Variants in IRF5 observed in about 807,000 individuals in gnomAD.
The protein encoded by IRF5 is interferon regulatory factor 5.
IRF5 carries 24 observed loss-of-function variants against 55.1 expected under a neutral mutation model. The ratio of observed to expected loss-of-function variants is 0.44; its 90% CI spans 0.32 to 0.61. IRF5 has a LOEUF of 0.61. Among genes scored for constraint, IRF5 ranks in the 20% least tolerant of loss-of-function variants. The probability of loss-of-function intolerance (pLI) is 0.07; values close to 1 mark genes in which losing one functional copy is unlikely to be tolerated. For synonymous variants in IRF5, 258 were observed against 260.2 expected (o/e 0.99, Z 0.08); for missense variants, 499 against 658.5 (o/e 0.76, Z 2.65).
chr7:128,944,129 C>A (rs149135106), intron 2 of IRF5, among the ~76,000 whole-genome samples: 22 of 152,248 alleles, frequency 1.4e-4, no homozygotes, highest in African/African-American at 4.8e-4. Flanking sequence ...TGATTTATAG[C>A]CTGGATTTTT....
intron 2 of IRF5, among the ~76,000 whole-genome samples, chr7:128,943,540 A>C (rs993611505): frequency 4.6e-5 from 2 of 43,812 alleles, no homozygotes; most frequent in Non-Finnish European, 7.8e-5. Flanking sequence ...ATGCCCAGCT[A>C]ATTTTTTTTT....
At chr7:128,945,758 C>G (rs1796265694) in intron 2 of IRF5, 87 bp from the exon 3 acceptor site, 1 of 1,335,606 alleles carries the variant, frequency 7.5e-7, no homozygotes, top group Admixed American at 2.5e-5. Flanking sequence ...TCTCCCCACA[C>G]AGTAGAGTCT....
At chr7:128,943,907 A>C (rs1441882196) in intron 2 of IRF5, among the ~76,000 whole-genome samples, 2 of 151,270 alleles carry the variant, frequency 1.3e-5, no homozygotes, top group Non-Finnish European at 2.9e-5. Context: ...ATGAGGTCTC[A>C]CTTTGTTGCC....
At chr7:128,941,987 T>C (rs541140602) in intron 1 of IRF5, 84 bp from the exon 2 acceptor site, 1 of 1,004,310 alleles carries the variant, frequency 1.0e-6, no homozygotes, top group Non-Finnish European at 1.5e-6. Context: ...GACCATCCTT[T>C]GTGGTCCATA....
intron 2 of IRF5, chr7:128,943,106 T>C (rs922858990): frequency 3.4e-5 from 6 of 178,670 alleles, no homozygotes; most frequent in Non-Finnish European, 6.8e-5. Context: ...TGATCTCAGC[T>C]CACTGCAGCC....
rs1331285900 is a variant in IRF5 at position 128,946,948 on chromosome 7, GC to G, written c.448-71del. ...ATAGTTCTCGCCTGTTATTTCCCCAGCCCCAGGTCAGTGGAATAACCTGTCC... is the reference window on the plus strand; with the variant it reads ...ATAGTTCTCGCCTGTTATTTCCCCAGCCCAGGTCAGTGGAATAACCTGTCC... On this transcript the variant is annotated intron_variant, in intron 4 of 8. Transcript: ENST00000357234. The surrounding 1 kb of genome is among the most constrained non-coding windows in gnomAD (Gnocchi z 4.2). 22 of 1,573,650 alleles carry G rather than the reference GC, an allele frequency of 1.4e-5. No homozygotes were observed. Among genetic ancestry groups the G allele is most frequent in the Non-Finnish European group, 1.8e-5 (21 of 1,144,478 alleles).
rs768034519 is a variant in IRF5, at chr7:128,945,928, C to T, written c.279C>T (p.Ala93=). The change falls in exon 3 of 9, where the codon GCC becomes GCT. Residue 93 remains alanine (A), a synonymous_variant. Transcript: ENST00000357234. The stretch of plus-strand genomic sequence containing the variant: ...AGTGGAAGGCCAACCTGCGCTGTGC[C>T]CTTAACAAGAGCCGGGACTTCCGCC... The part of the protein sequence containing the change: ...PAKWKANLRC[A]LNKSRDFRLI... 2.5e-5 allele frequency: 40 copies of T among 1,613,470 alleles called. No individual in the cohort carries two copies. The highest frequency in any genetic ancestry group is 1.6e-4 in the Middle Eastern group (1 of 6,080).
At chr7:128,939,821 C>T (rs1018938140) in intron 1 of IRF5, among the ~76,000 whole-genome samples, 5 of 152,236 alleles carry the variant, frequency 3.3e-5, no homozygotes, top group Admixed American at 2.0e-4. Flanking sequence ...TCCCCACCTT[C>T]CGGGGCTCAG....
Position 128,947,862 on chromosome 7 carries a change from C to T in IRF5, c.921C>T (p.Pro307=). The T allele has an allele frequency of 6.2e-7, 1 of 1,614,090 alleles. No individual in the cohort carries two copies. Among genetic ancestry groups the T allele is most frequent in the South Asian group, 1.1e-5 (1 of 91,092 alleles). Residue 307 remains proline (P), a synonymous_variant, in exon 7 of 9, where the codon CCC becomes CCT. Transcript: ENST00000357234. This position sits in a 1 kb window ranked among gnomAD's most constrained non-coding sequence, Gnocchi z 6.5. The part of the protein sequence containing the change: ...ATQEQVELFG[P]ISLEQVRFPS... Reference sequence around the variant, plus strand: ...AGGAGCAGGTGGAACTCTTCGGCCCCATAAGCCTGGAGCAAGTGCGCTTCC... The same window carrying T: ...AGGAGCAGGTGGAACTCTTCGGCCCTATAAGCCTGGAGCAAGTGCGCTTCC...
intron 1 of IRF5, among the ~76,000 whole-genome samples, chr7:128,939,492 C>G (rs959646179): frequency 6.6e-6 from 1 of 152,136 alleles, no homozygotes; most frequent in Non-Finnish European, 1.5e-5. Context: ...AGGGCCTGTA[C>G]AGGGAACCCC....
rs2230118 is a variant in IRF5, at chr7:128,948,899, A to T, written c.*81A>T. The T allele has an allele frequency of 3.6e-4, 548 of 1,516,454 alleles. 2 individuals carry two copies. The African/African-American group carries it at 6.5e-3, about 18-fold the overall frequency. The allele number at this position is 1,516,454 out of a possible 1,614,324, so 93.9% of individuals were successfully genotyped here. The stretch of plus-strand genomic sequence containing the variant: ...TGGAGATGTGACAGCCCCGATGAGC[A>T]CCTGGCTGGCTGCAGGGTCCTACCT... On this transcript the variant is annotated 3_prime_UTR_variant, in exon 9 of 9. Transcript: ENST00000357234. This position sits in a 1 kb window ranked among gnomAD's most constrained non-coding sequence, Gnocchi z 4.6.
rs1333426629 is a variant in IRF5 at position 128,949,059 on chromosome 7, GGGAAAGAACTCTCCCAACC to G, written c.*242_*260del. The stretch of plus-strand genomic sequence containing the variant: ...CTCTCGGGAAATTCAGCCATGAGCA[GGGAAAGAACTCTCCCAACC>G]CTGGGGCCTAGCTGTATAGGAGGAA... On this transcript the variant is annotated 3_prime_UTR_variant, in exon 9 of 9. Coordinates refer to ENST00000357234, the MANE Select transcript of IRF5 (RefSeq NM_001098629.3). The G allele has an allele frequency of 5.5e-6, 3 of 548,242 alleles. No individual in the cohort carries two copies. Among genetic ancestry groups the G allele is most frequent in the African/African-American group, 3.8e-5 (2 of 52,854 alleles). The allele number at this position is 548,242 out of a possible 1,614,324, so 34.0% of individuals were successfully genotyped here.
intron 2 of IRF5, among the ~76,000 whole-genome samples, chr7:128,943,376 CTTTTT>C (rs200345101): frequency 7.3e-6 from 1 of 136,726 alleles, no homozygotes; most frequent in African/African-American, 2.7e-5. Context: ...CATATATACT[CTTTTT>C]TTTTTTTTTT....
At chr7:128,939,347 C>G (rs1168051491) in intron 1 of IRF5, among the ~76,000 whole-genome samples, 1 of 152,098 alleles carries the variant, frequency 6.6e-6, no homozygotes, top group Non-Finnish European at 1.5e-5. Flanking sequence ...CTTCCCCTAC[C>G]CTGACCCTGG....
intron 2 of IRF5, among the ~76,000 whole-genome samples, chr7:128,943,782 G>C (rs532440579): frequency 7.5e-6 from 1 of 133,224 alleles, no homozygotes; most frequent in Admixed American, 8.9e-5. Flanking sequence ...TGTTGGCCAG[G>C]CTGGTCTTGA....
In IRF5 at chr7:128,946,742, G is replaced by T; in HGVS notation, c.447+180G>T. ...CAGTCCCCACCTGCTCCTTCCCAGG[G>T]CATTGTCATTACCCTGTGTGTGTGA... On this transcript the variant is annotated intron_variant, in intron 4 of 8. Transcript: ENST00000357234. This position sits in a 1 kb window ranked among gnomAD's most constrained non-coding sequence, Gnocchi z 4.2. 3.1e-6 allele frequency: 2 copies of T among 635,620 alleles called. No homozygotes were observed. Among genetic ancestry groups the T allele is most frequent in the Non-Finnish European group, 2.8e-6 (1 of 357,228 alleles). 39.4% of individuals were successfully genotyped at this position (635,620 alleles called of 1,614,324 possible). A position where few individuals can be genotyped will look rare whatever the true frequency, so the allele number is the denominator to read the frequency against.
In IRF5 at chr7:128,942,193, G is replaced by C. The variant is rs548286958; in HGVS notation, c.112G>C (p.Gly38Arg). Residue 38 changes from glycine (G) to arginine (R), a missense_variant, in exon 2 of 9, where the codon GGG (glycine) becomes CGG (arginine). By Grantham distance (125) the Gly-to-Arg change is moderately radical. Around this residue, in one of 2 missense-constraint regions of IRF5, gnomAD observed 305 missense variants for 340.2 expected, o/e 0.90. Coordinates refer to ENST00000357234, the MANE Select transcript of IRF5 (RefSeq NM_001098629.3). The part of the protein sequence containing the change: ...CQYPGLQWVN[G>R]EKKLFCIPWR... ...GTACCCAGGGCTTCAATGGGTCAACGGGGAAAAGAAATTATTCTGCATCCC... is the reference window on the plus strand; with the variant it reads ...GTACCCAGGGCTTCAATGGGTCAACCGGGAAAAGAAATTATTCTGCATCCC... 2 of 1,614,074 alleles carry C rather than the reference G, an allele frequency of 1.2e-6. No individual in the cohort carries two copies. Among genetic ancestry groups the C allele is most frequent in the Admixed American group, 1.7e-5 (1 of 60,016 alleles).
intron 1 of IRF5, chr7:128,941,170 A>C (rs1436313215): frequency 6.5e-6 from 1 of 153,020 alleles, no homozygotes; most frequent in Non-Finnish European, 1.5e-5. Context: ...GGGAGGAGGC[A>C]GGGTCCCTCT....
chr7:128,937,074 C>G (rs1490714011), upstream of IRF5, among the ~76,000 whole-genome samples: 1 of 152,204 alleles, frequency 6.6e-6, no homozygotes, highest in Non-Finnish European at 1.5e-5. Context: ...CAGACCTGGA[C>G]CAAACCCCTG....
Sources: allele counts gnomAD v4.1 joint callset (sites outside exome capture counted in the v4.1 genomes callset), GRCh38; gene constraint gnomAD v4.1.1; regional missense constraint gnomAD v4.1.1; non-coding constraint Gnocchi (gnomAD v3.1); transcripts MANE v1.5; gene names NCBI Gene and HGNC (gene_info 2026-07-23, HGNC 2026-07-21).